Variants in DACH1 observed in about 807,000 individuals in gnomAD.
The protein encoded by DACH1 is dachshund homolog 1.
In DACH1, 12 loss-of-function variants were observed where a neutral mutation model predicts 54.2. That is an observed-to-expected ratio of 0.22 (90% CI 0.14 to 0.36). The LOEUF is 0.36. DACH1 is among the 10% of genes least tolerant of loss of function. DACH1 has a pLI of 1.00. For synonymous variants in DACH1, 386 were observed against 366.2 expected (o/e 1.05, Z -0.62); for missense variants, 805 against 929.8 (o/e 0.87, Z 1.75).
chr13:71,703,519 G>C (rs547998994), intron 1 of DACH1, among the ~76,000 whole-genome samples: 7 of 152,174 alleles, frequency 4.6e-5, no homozygotes, highest in Non-Finnish European at 2.9e-5. Context: ...TGTTGGTATT[G>C]TTTGTTGCTG....
At chr13:71,502,501 A>C (rs546300133) in intron 6 of DACH1, among the ~76,000 whole-genome samples, 9 of 152,194 alleles carry the variant, frequency 5.9e-5, no homozygotes, top group Non-Finnish European at 1.2e-4. Flanking sequence ...CTGTTTAACC[A>C]TGAAAGTACT....
rs147758022 is a variant in DACH1 at position 71,860,027 on chromosome 13, G to A, written c.848+5895C>T. On this transcript the variant is annotated intron_variant, in intron 1 of 10. Transcript: ENST00000613252. Reference sequence around the variant, plus strand: ...CACTTATCTGAGCTCCATTAGGTGGGCTCTTAATTCATAGTTTTCTTCTTT... The same window carrying A: ...CACTTATCTGAGCTCCATTAGGTGGACTCTTAATTCATAGTTTTCTTCTTT... Among the ~76,000 whole-genome samples the A allele has an allele frequency of 2.1e-3, 316 of 151,864 alleles. 3 individuals are homozygous for A. Among genetic ancestry groups the A allele is most frequent in the African/African-American group, 6.8e-3 (284 of 41,506 alleles).
intron 1 of DACH1, among the ~76,000 whole-genome samples, chr13:71,699,083 A>G (rs1257928136): frequency 1.3e-5 from 2 of 152,176 alleles, no homozygotes; most frequent in East Asian, 1.9e-4. Flanking sequence ...CTGACTGAAC[A>G]TAAGGATTGT....
intron 1 of DACH1, among the ~76,000 whole-genome samples, chr13:71,754,926 GT>G (rs1369611033): frequency 1.3e-5 from 2 of 152,130 alleles, no homozygotes; most frequent in Non-Finnish European, 1.5e-5. Flanking sequence ...ATATCATTCT[GT>G]TTTTATCCAG....
At chr13:71,589,704 T>C (rs1358908796) in intron 3 of DACH1, among the ~76,000 whole-genome samples, 1 of 152,006 alleles carries the variant, frequency 6.6e-6, no homozygotes, top group Non-Finnish European at 1.5e-5. Flanking sequence ...TAATACTAAT[T>C]ATAAATCTAG....
intron 1 of DACH1, among the ~76,000 whole-genome samples, chr13:71,753,410 G>A (rs1185602830): frequency 6.6e-6 from 1 of 152,096 alleles, no homozygotes; most frequent in Non-Finnish European, 1.5e-5. Flanking sequence ...TCCTTAAAAG[G>A]TTCGTGCACC....
intron 1 of DACH1, among the ~76,000 whole-genome samples, chr13:71,763,243 A>G (rs1398308465): frequency 6.6e-6 from 1 of 152,228 alleles, no homozygotes; most frequent in Non-Finnish European, 1.5e-5. Context: ...GGAGCCATGA[A>G]GTAATAAATT....
intron 7 of DACH1, among the ~76,000 whole-genome samples, chr13:71,486,808 TTATTTATCTATCTATCTATC>T (rs1453266970): frequency 0.047 from 6,880 of 147,828 alleles, 273 homozygotes; most frequent in South Asian, 0.12. Context: ...ATTTATTTAT[TTATTTATCTATCTATCTATC>T]TATCTATCTA....
At chr13:71,518,105 A>G (rs1195646178) in intron 6 of DACH1, among the ~76,000 whole-genome samples, 1 of 151,880 alleles carries the variant, frequency 6.6e-6, no homozygotes, top group Non-Finnish European at 1.5e-5. Context: ...GAACTGAAAT[A>G]TGTCCCTTCA....
rs775326498 is a variant in DACH1 at position 71,479,298 on chromosome 13, T to C, written c.1741A>G (p.Ile581Val). 5.0e-6 allele frequency: 8 copies of C among 1,613,334 alleles called. No homozygotes were observed. In the East Asian group the frequency reaches 6.7e-5, roughly 14 times the overall value. ...TNIQGLLKVA[I>V]DNARAQEKQV... is the part of the protein sequence containing the mutation. ...TTCTCTTGAGCTCTGGCATTATCTA[T>C]GGCAACTTTCAACAGCCCCTGTACA... Residue 581 changes from isoleucine (I) to valine (V), a missense_variant, in exon 8 of 11, where the codon ATA becomes GTA. Physicochemically the swap from Ile to Val is conservative, Grantham distance 29. This residue lies in a region of DACH1 where 472 missense variants were observed against 545.3 expected (regional missense o/e 0.87). Transcript: ENST00000613252.
intron 1 of DACH1, among the ~76,000 whole-genome samples, chr13:71,706,515 C>G (rs1313535640): frequency 6.6e-6 from 1 of 152,038 alleles, no homozygotes; most frequent in Non-Finnish European, 1.5e-5. Context: ...TTAGCAAAAA[C>G]ATGTGATGTG....
chr13:71,762,324 T>G (rs1885433333), intron 1 of DACH1, among the ~76,000 whole-genome samples: 1 of 152,086 alleles, frequency 6.6e-6, no homozygotes, highest in Non-Finnish European at 1.5e-5. Context: ...ACTAGGACAT[T>G]TAGGTGTGAA....
chr13:71,670,213 T>G (rs1219313235), intron 2 of DACH1, among the ~76,000 whole-genome samples: 1 of 152,182 alleles, frequency 6.6e-6, no homozygotes, highest in Non-Finnish European at 1.5e-5. Context: ...CTTAATGAAG[T>G]GCAAAAACGT....
intron 1 of DACH1, among the ~76,000 whole-genome samples, chr13:71,793,671 C>T (rs1886923188): frequency 6.6e-6 from 1 of 152,128 alleles, no homozygotes; most frequent in African/African-American, 2.4e-5. Flanking sequence ...GCTGGGACTA[C>T]AGGCATGTGC....
At chr13:71,542,537 A>T (rs1236439275) in intron 6 of DACH1, among the ~76,000 whole-genome samples, 1 of 152,154 alleles carries the variant, frequency 6.6e-6, no homozygotes, top group African/African-American at 2.4e-5. Context: ...TGTCATTATC[A>T]TTATTCTAAA....
intron 1 of DACH1, among the ~76,000 whole-genome samples, chr13:71,718,296 C>T (rs17088414): frequency 2.0e-5 from 3 of 152,002 alleles, no homozygotes; most frequent in African/African-American, 7.2e-5. Flanking sequence ...AAAAAAAGCT[C>T]TCTTCCGGCT....
intron 10 of DACH1, among the ~76,000 whole-genome samples, chr13:71,462,511 A>G (rs777985717): frequency 4.1e-4 from 62 of 151,712 alleles, no homozygotes; most frequent in Non-Finnish European, 2.8e-4. Context: ...GCTATGTATC[A>G]CATACAGAAA....
intron 2 of DACH1, among the ~76,000 whole-genome samples, chr13:71,656,652 GC>G (rs1265345253): frequency 6.6e-6 from 1 of 151,298 alleles, no homozygotes; most frequent in African/African-American, 2.4e-5. Flanking sequence ...CTTTGCATAG[GC>G]TGTCATCCTA....
At chr13:71,829,962 C>T (rs1490553978) in intron 1 of DACH1, among the ~76,000 whole-genome samples, 1 of 151,752 alleles carries the variant, frequency 6.6e-6, no homozygotes, top group Non-Finnish European at 1.5e-5. Flanking sequence ...ATGGTGGTTG[C>T]TGTGAATTAA....
Sources: gnomAD v4.1 joint callset for allele counts (sites outside exome capture counted in the v4.1 genomes callset) on GRCh38, gnomAD v4.1.1 for gene constraint, gnomAD v4.1.1 regional missense constraint, MANE v1.5 for transcripts, NCBI Gene and HGNC (gene_info 2026-07-23, HGNC 2026-07-21) for gene names.